Variants in DOCK8 observed in about 807,000 individuals in gnomAD.
The protein encoded by DOCK8 is dedicator of cytokinesis 8, also known as dedicator of cytokinesis protein 8.
In DOCK8, 141 loss-of-function variants were observed where a neutral mutation model predicts 245.6. That is an observed-to-expected ratio of 0.57 (90% CI 0.50 to 0.66). The LOEUF (loss-of-function observed/expected upper bound fraction) is 0.66. Among genes scored for constraint, DOCK8 ranks in the 30% least tolerant of loss-of-function variants. DOCK8 has a pLI of 0.00. For missense variants in DOCK8, 2,965 were observed against 2,603.4 expected (o/e 1.14, Z -3.02); for synonymous variants, 1,168 against 970.2 (o/e 1.20, Z -3.79).
At chr9:386,487 C>G in intron 23 of DOCK8, 61 bp downstream of exon 23, 1 of 1,443,818 alleles carries the variant, frequency 6.9e-7, no homozygotes, top group Non-Finnish European at 9.7e-7. Context: ...TTCCTCATGC[C>G]CTCACACTGT....
intron 1 of DOCK8, among the ~76,000 whole-genome samples, chr9:220,393 C>A (rs1320516767): frequency 2.0e-5 from 3 of 152,026 alleles, no homozygotes; most frequent in Non-Finnish European, 4.4e-5. Flanking sequence ...CTTCATAGAC[C>A]AGTGGAAAGA....
chr9:375,852 T>C lies in DOCK8; in HGVS notation c.2110-358T>C, dbSNP rs374932796. Among the ~76,000 whole-genome samples the C allele has an allele frequency of 3.0e-4, 46 of 152,058 alleles. No homozygotes were observed. In the South Asian group the frequency reaches 8.9e-3, roughly 30 times the overall value. On this transcript the variant is annotated intron_variant, in intron 18 of 47. Coordinates refer to ENST00000432829, the MANE Select transcript of DOCK8 (RefSeq NM_203447.4). The stretch of plus-strand genomic sequence containing the variant: ...TTTCTACAAAAAATAGAAAAATTAG[T>C]TGGGTGTGGTGGTGTGTGCCTGTAG...
chr9:305,071 T>G (rs2049754414), intron 5 of DOCK8, among the ~76,000 whole-genome samples: 1 of 152,190 alleles, frequency 6.6e-6, no homozygotes, highest in Non-Finnish European at 1.5e-5. Flanking sequence ...CTCCTAGTGA[T>G]TCTACCATGT....
chr9:404,838 G>A, intron 26 of DOCK8, 80 bp from the exon 27 acceptor site: 1 of 1,479,288 alleles, frequency 6.8e-7, no homozygotes, highest in Non-Finnish European at 9.4e-7. Flanking sequence ...TGGAGAGAAA[G>A]GATATTTTTG....
chr9:400,737 C>T lies in DOCK8; in HGVS notation c.3234+1478C>T, dbSNP rs867450771. On this transcript the variant is annotated intron_variant, in intron 26 of 47. Coordinates refer to ENST00000432829, the MANE Select transcript of DOCK8 (RefSeq NM_203447.4). ...ACCATCACCACCACCACCTCCACCA[C>T]CACCAGCATCTTCACCATCACCACC... is the stretch of plus-strand genomic sequence containing the variant. 1.9e-3 allele frequency among the ~76,000 whole-genome samples: 143 copies of T among 77,032 alleles called. 3 individuals carry two copies. The highest frequency in any genetic ancestry group is 2.4e-3 in the Admixed American group (18 of 7,646). The allele number at this position is 77,032 out of a possible 152,430, so 50.5% of individuals were successfully genotyped here. A position where few individuals can be genotyped will look rare whatever the true frequency, so the allele number is the denominator to read the frequency against.
chr9:307,589 C>T (rs1374109333), intron 5 of DOCK8, among the ~76,000 whole-genome samples: 2 of 151,852 alleles, frequency 1.3e-5, no homozygotes, highest in Non-Finnish European at 2.9e-5. Flanking sequence ...AACTCCTGAC[C>T]TCAGGTGATC....
At chr9:408,908 G>GCACACA (rs146609576) in intron 28 of DOCK8, among the ~76,000 whole-genome samples, 17 of 140,192 alleles carry the variant, frequency 1.2e-4, no homozygotes, top group Non-Finnish European at 1.8e-4. Context: ...GCGTGCACAT[G>GCACACA]CACACACACA....
rs117604991 is a variant in DOCK8, at chr9:442,518, T to C, written c.5490+509T>C. Among the ~76,000 whole-genome samples, 17 of 152,304 alleles carry C rather than the reference T, an allele frequency of 1.1e-4. 1 individual carries two copies. The East Asian group carries it at 3.3e-3, about 29-fold the overall frequency. ...GCTACTCAGCTGTGGCCAGCCCGGC[T>C]CCAACCTGCCAGTGAGTGACATTTG... On this transcript the variant is annotated intron_variant, in intron 42 of 47. Coordinates refer to ENST00000432829, the MANE Select transcript of DOCK8 (RefSeq NM_203447.4).
At chr9:389,587 C>G (rs1241162391) in intron 23 of DOCK8, among the ~76,000 whole-genome samples, 1 of 136,722 alleles carries the variant, frequency 7.3e-6, no homozygotes, top group Non-Finnish European at 1.5e-5. Context: ...AAGTGTAACC[C>G]TGGACCAGCA....
chr9:384,297 A>T (rs1341221257), intron 22 of DOCK8, among the ~76,000 whole-genome samples: 8 of 152,220 alleles, frequency 5.3e-5, no homozygotes, highest in Non-Finnish European at 8.8e-5. Flanking sequence ...ACCACGATGA[A>T]TTCTTAGCCT....
At chr9:436,140 A>C (rs971280198) in intron 39 of DOCK8, among the ~76,000 whole-genome samples, 1 of 152,266 alleles carries the variant, frequency 6.6e-6, no homozygotes, top group African/African-American at 2.4e-5. Context: ...CTGGTTTTCC[A>C]GAACACAGCA....
At chr9:460,377 T>TG (rs1221819154) in intron 46 of DOCK8, 2 of 152,234 alleles carry the variant, frequency 1.3e-5, no homozygotes, top group Non-Finnish European at 2.9e-5. Context: ...CTGTTAGCTT[T>TG]GGCAGGACTC....
chr9:337,037 C>G (rs2051344194), intron 12 of DOCK8, among the ~76,000 whole-genome samples: 1 of 152,072 alleles, frequency 6.6e-6, no homozygotes, highest in Non-Finnish European at 1.5e-5. Flanking sequence ...GCTCAGGTCT[C>G]TCTTCCTGTT....
At chr9:403,891 TCTATATATATATATATATATATATAC>T (rs1330679797) in intron 26 of DOCK8, among the ~76,000 whole-genome samples, 2 of 77,770 alleles carry the variant, frequency 2.6e-5, no homozygotes, top group African/African-American at 8.5e-5. Context: ...TCTCTCTCTC[TCTATATATATATATATATATATATAC>T]ATATATATAT....
At chr9:421,153 C>G in intron 32 of DOCK8, 75 bp downstream of exon 32, 1 of 1,565,364 alleles carries the variant, frequency 6.4e-7, no homozygotes, top group African/African-American at 1.3e-5. Flanking sequence ...GTCCTCCCAA[C>G]ATGATTAGAC....
At chr9:397,088 A>G (rs910706484) in intron 25 of DOCK8, among the ~76,000 whole-genome samples, 154 bp downstream of exon 25, 1 of 152,186 alleles carries the variant, frequency 6.6e-6, no homozygotes, top group African/African-American at 2.4e-5. Context: ...CTGGACCCTG[A>G]TGTGGGGCTG....
At chr9:333,478 G>A (rs2051141120) in intron 10 of DOCK8, among the ~76,000 whole-genome samples, 1 of 152,098 alleles carries the variant, frequency 6.6e-6, no homozygotes, top group African/African-American at 2.4e-5. Context: ...GCACGTGCCT[G>A]TATTCCCAGC....
intron 27 of DOCK8, among the ~76,000 whole-genome samples, chr9:406,439 A>G (rs539761221): frequency 1.1e-4 from 17 of 149,790 alleles, no homozygotes; most frequent in Admixed American, 9.4e-4. Flanking sequence ...GTGAGCTGAG[A>G]CCATGCCACT....
At chr9:264,878 C>G (rs1050816608) in intron 1 of DOCK8, among the ~76,000 whole-genome samples, 1 of 152,208 alleles carries the variant, frequency 6.6e-6, no homozygotes, top group Non-Finnish European at 1.5e-5. Flanking sequence ...TTGATAGCTG[C>G]ATCATTCAAA....
Sources: gnomAD v4.1 joint callset for allele counts (sites outside exome capture counted in the v4.1 genomes callset) on GRCh38, gnomAD v4.1.1 for gene constraint, MANE v1.5 for transcripts, NCBI Gene and HGNC (gene_info 2026-07-23, HGNC 2026-07-21) for gene names.